FAM171A1: variants seen among roughly 807,000 people sequenced by gnomAD.
FAM171A1 encodes the protein family with sequence similarity 171 member A1, also known as protein FAM171A1.
In FAM171A1, 23 loss-of-function variants were observed where a neutral mutation model predicts 74.9. The observed-to-expected ratio is 0.31, with a 90% CI of 0.22 to 0.44. FAM171A1 has a LOEUF of 0.44. Among genes scored for constraint, FAM171A1 ranks in the 20% least tolerant of loss-of-function variants. The pLI is 1.00. For missense variants in FAM171A1, 1,162 were observed against 1,159.2 expected (o/e 1.00, Z -0.03); for synonymous variants, 527 against 505.7 (o/e 1.04, Z -0.57).
chr10:15,372,698 CAAAAAA>C (rs59712649), upstream of FAM171A1, among the ~76,000 whole-genome samples: 2 of 88,736 alleles, frequency 2.3e-5, no homozygotes, highest in South Asian at 4.8e-4. Context: ...GACCCCGTCT[CAAAAAA>C]AAAAAAAAAA....
chr10:15,324,491 A>C (rs1260226660), intron 1 of FAM171A1, among the ~76,000 whole-genome samples: 1 of 152,188 alleles, frequency 6.6e-6, no homozygotes, highest in Non-Finnish European at 1.5e-5. Flanking sequence ...TTCTCCAGGC[A>C]ATCAGCTACC....
At chr10:15,320,715 T>C (rs559319443) in intron 1 of FAM171A1, among the ~76,000 whole-genome samples, 1 of 152,358 alleles carries the variant, frequency 6.6e-6, no homozygotes, top group Non-Finnish European at 1.5e-5. Flanking sequence ...TCTCTAATGA[T>C]AAGCATTTTC....
intron 1 of FAM171A1, among the ~76,000 whole-genome samples, chr10:15,354,062 A>C (rs1441103160): frequency 6.6e-6 from 1 of 152,228 alleles, no homozygotes; most frequent in African/African-American, 2.4e-5. Flanking sequence ...CCCTTCTGGG[A>C]CATGGACAGC....
chr10:15,254,710 A>T lies in FAM171A1; in HGVS notation c.577+11T>A. On this transcript the variant is annotated intron_variant, in intron 4 of 7. Transcript: ENST00000378116. ...GTAACTCCCACTGAAAAGAGAAAAGACTCCAATTACCTGTTCCATTTCCGT... is the reference window on the plus strand; with the variant it reads ...GTAACTCCCACTGAAAAGAGAAAAGTCTCCAATTACCTGTTCCATTTCCGT... The T allele has an allele frequency of 1.9e-6, 3 of 1,610,534 alleles. No individual in the cohort carries two copies. The highest frequency in any genetic ancestry group is 2.2e-5 in the South Asian group (2 of 90,934).
intron 3 of FAM171A1, among the ~76,000 whole-genome samples, chr10:15,264,705 C>G (rs1390612461): frequency 6.6e-6 from 1 of 151,816 alleles, no homozygotes; most frequent in Non-Finnish European, 1.5e-5. Flanking sequence ...ATCACTTGAG[C>G]TGGGGAGGCA....
At chr10:15,273,689 A>T (rs969545537) in intron 3 of FAM171A1, among the ~76,000 whole-genome samples, 2 of 152,198 alleles carry the variant, frequency 1.3e-5, no homozygotes, top group Non-Finnish European at 2.9e-5. Context: ...ATCCACCATG[A>T]TCAAGTTGGC....
At chr10:15,252,212 G>A (rs1834518237) in intron 4 of FAM171A1, among the ~76,000 whole-genome samples, 1 of 152,108 alleles carries the variant, frequency 6.6e-6, no homozygotes, top group Non-Finnish European at 1.5e-5. Context: ...GAGAGGAGGG[G>A]GCCCCCAAGA....
intron 1 of FAM171A1, among the ~76,000 whole-genome samples, chr10:15,324,531 G>C (rs991697549): frequency 7.2e-5 from 11 of 151,904 alleles, no homozygotes; most frequent in African/African-American, 2.7e-4. Flanking sequence ...TTTTTTTGTG[G>C]CATCAGCTCC....
At position 15,248,779 on chromosome 10, in the gene FAM171A1, G is replaced by A. The variant is rs1834468921; in HGVS notation, c.614C>T (p.Ala205Val). 1.2e-6 allele frequency: 2 copies of A among 1,612,904 alleles called. No homozygotes were observed. Among genetic ancestry groups the A allele is most frequent in the Non-Finnish European group, 1.7e-6 (2 of 1,179,438 alleles). The change falls in exon 5 of 8, where the codon GCC becomes GTC. Residue 205 changes from alanine (A) to valine (V), a missense_variant. Physicochemically the swap from Ala to Val is moderately conservative, Grantham distance 64. Transcript: ENST00000378116. ...ACTGCTCAGCAAGTGGACGCTGACG[G>A]CTGTGACTGGGGTCAGGTCATGCCT... ...STRHDLTPVT[A>V]VSVHLLSSNG...
chr10:15,340,727 A>G (rs1037926166), intron 1 of FAM171A1, among the ~76,000 whole-genome samples: 3 of 152,300 alleles, frequency 2.0e-5, no homozygotes, highest in Non-Finnish European at 4.4e-5. Context: ...GGAGTAAACA[A>G]TTCTGCAGGT....
chr10:15,331,034 C>T (rs180889265), intron 1 of FAM171A1, among the ~76,000 whole-genome samples: 119 of 152,080 alleles, frequency 7.8e-4, no homozygotes, highest in African/African-American at 2.5e-3. Flanking sequence ...GGATTACAGG[C>T]GCACGCCACC....
At chr10:15,317,307 A>G (rs1835434234) in intron 1 of FAM171A1, among the ~76,000 whole-genome samples, 1 of 152,200 alleles carries the variant, frequency 6.6e-6, no homozygotes, top group South Asian at 2.1e-4. Flanking sequence ...CCTGCAGGCC[A>G]GGGGTCACTA....
intron 1 of FAM171A1, among the ~76,000 whole-genome samples, chr10:15,327,170 G>A (rs1410452664): frequency 6.6e-6 from 1 of 152,126 alleles, no homozygotes; most frequent in Non-Finnish European, 1.5e-5. Flanking sequence ...GACTACCTGG[G>A]TTCAAATCCA....
chr10:15,270,592 T>C (rs4595439), intron 3 of FAM171A1, among the ~76,000 whole-genome samples: 85,679 of 152,082 alleles, frequency 0.56, 25,699 homozygotes, highest in East Asian at 0.78. Flanking sequence ...AGTAGGTCCC[T>C]GACCCCCGAG....
intron 1 of FAM171A1, among the ~76,000 whole-genome samples, chr10:15,351,763 T>C (rs916296391): frequency 6.6e-6 from 1 of 152,008 alleles, no homozygotes; most frequent in African/African-American, 2.4e-5. Flanking sequence ...AAACTAAAAA[T>C]AAATTTAAGG....
At chr10:15,361,887 C>T (rs552822007) in intron 1 of FAM171A1, among the ~76,000 whole-genome samples, 5 of 152,214 alleles carry the variant, frequency 3.3e-5, no homozygotes, top group African/African-American at 7.2e-5. Context: ...TGACTTGGAA[C>T]TACCTGGGCC....
chr10:15,230,458 G>A (rs1311034896), intron 5 of FAM171A1, among the ~76,000 whole-genome samples: 1 of 152,140 alleles, frequency 6.6e-6, no homozygotes, highest in Non-Finnish European at 1.5e-5. Flanking sequence ...GTACATTTCA[G>A]GACTGGTTTA....
In FAM171A1 at chr10:15,306,565, C is replaced by A. The variant is rs562273204; in HGVS notation, c.98-22460G>T. ...ATTTTTAGTATAGACGGGGTTTCAC[C>A]ATGTTGGCCAGGCTGGTCTCAAACT... On this transcript the variant is annotated intron_variant, in intron 1 of 7. Transcript: ENST00000378116. Among the ~76,000 whole-genome samples, 375 of 152,168 alleles carry A rather than the reference C, an allele frequency of 2.5e-3. 3 individuals carry two copies. The highest frequency in any genetic ancestry group is 8.5e-3 in the African/African-American group (351 of 41,516).
chr10:15,283,811 C>T lies in FAM171A1; in HGVS notation c.325+67G>A. 7 of 1,519,284 alleles carry T rather than the reference C, an allele frequency of 4.6e-6. No homozygotes were observed. In the Admixed American group the frequency reaches 1.2e-4, roughly 26 times the overall value. 94.1% of individuals were successfully genotyped at this position (1,519,284 alleles called of 1,614,324 possible). A position where few individuals can be genotyped will look rare whatever the true frequency, so the allele number is the denominator to read the frequency against. ...TGTTGCCCAAGCTGGTTTCAGACTC[C>T]TGGCCTTATGCGATCCTCCCACCAG... On this transcript the variant is annotated intron_variant, in intron 2 of 7. Transcript: ENST00000378116.
Sources: allele counts gnomAD v4.1 joint callset (sites outside exome capture counted in the v4.1 genomes callset), GRCh38; gene constraint gnomAD v4.1.1; transcripts MANE v1.5; gene names NCBI Gene and HGNC (gene_info 2026-07-23, HGNC 2026-07-21).